Variants in TMPRSS11A observed in about 807,000 individuals in gnomAD.
TMPRSS11A encodes the protein transmembrane protease serine 11A.
A neutral mutation model predicts 58.9 loss-of-function variants in TMPRSS11A; 53 were observed. That is an observed-to-expected ratio of 0.90 (90% confidence interval 0.72 to 1.13). TMPRSS11A has a LOEUF of 1.13. Among genes scored for constraint, TMPRSS11A ranks in the 50% most tolerant of loss-of-function variants. TMPRSS11A has a pLI of 0.00. For missense variants in TMPRSS11A, 493 were observed against 499.3 expected (o/e 0.99, Z 0.12); for synonymous variants, 167 against 169.8 (o/e 0.98, Z 0.13).
intron 1 of TMPRSS11A, among the ~76,000 whole-genome samples, chr4:67,960,163 G>A (rs1035680707): frequency 6.6e-6 from 1 of 152,190 alleles, no homozygotes; most frequent in Non-Finnish European, 1.5e-5. Flanking sequence ...GACTACTAGA[G>A]GGGCAAGGTT....
intron 5 of TMPRSS11A, among the ~76,000 whole-genome samples, chr4:67,929,364 C>T (rs916223953): frequency 6.6e-6 from 1 of 152,088 alleles, no homozygotes; most frequent in Non-Finnish European, 1.5e-5. Context: ...GTGATGTTTT[C>T]CTAGACTGTG....
At chr4:67,945,456 T>C (rs1292892491) in intron 2 of TMPRSS11A, among the ~76,000 whole-genome samples, 1 of 152,214 alleles carries the variant, frequency 6.6e-6, no homozygotes, top group Non-Finnish European at 1.5e-5. Context: ...TCTCTGGACC[T>C]TGTAATACAT....
At chr4:67,915,982 G>A (rs1426107162) in intron 8 of TMPRSS11A, among the ~76,000 whole-genome samples, 1 of 152,184 alleles carries the variant, frequency 6.6e-6, no homozygotes, top group Non-Finnish European at 1.5e-5. Context: ...TGATGGATGA[G>A]AGATCTCTTG....
At chr4:67,950,524 T>C (rs1436896022) in intron 1 of TMPRSS11A, among the ~76,000 whole-genome samples, 2 of 152,206 alleles carry the variant, frequency 1.3e-5, no homozygotes, top group Non-Finnish European at 2.9e-5. Flanking sequence ...GGGAACTTTA[T>C]TACATCTGCA....
In TMPRSS11A at chr4:67,910,083, T is replaced by C. The variant is rs1340488154; in HGVS notation, c.*1259A>G. 2 of 152,046 alleles carry C rather than the reference T, an allele frequency of 1.3e-5. No homozygotes were observed. The highest frequency in any genetic ancestry group is 2.9e-5 in the Non-Finnish European group (2 of 67,926). 9.4% of individuals were successfully genotyped at this position (152,046 alleles called of 1,614,324 possible). The stretch of plus-strand genomic sequence containing the variant: ...TCACAGGCATTGCCAAGCAGAATAA[T>C]TGCTTCCATAAAGCCTTAATTTAAT... On this transcript the variant is annotated 3_prime_UTR_variant, in exon 10 of 10. Transcript: ENST00000508048.
At chr4:67,933,437 G>T (rs570527129) in intron 3 of TMPRSS11A, among the ~76,000 whole-genome samples, 1 of 151,992 alleles carries the variant, frequency 6.6e-6, no homozygotes. Context: ...ATTTTACTTC[G>T]GTTTCTTTTG....
chr4:67,914,416 CATTT>C (rs889079482), intron 9 of TMPRSS11A, among the ~76,000 whole-genome samples, 168 bp downstream of exon 9: 28 of 152,174 alleles, frequency 1.8e-4, no homozygotes, highest in African/African-American at 4.8e-4. Context: ...ACTCTTACTT[CATTT>C]ATCTTAATAA....
intron 8 of TMPRSS11A, among the ~76,000 whole-genome samples, chr4:67,915,161 G>A (rs1720112844): frequency 6.6e-6 from 1 of 151,572 alleles, no homozygotes; most frequent in African/African-American, 2.4e-5. Context: ...TTTATGATGA[G>A]CTTTCACATA....
In TMPRSS11A at chr4:67,911,373, C is replaced by T. The variant is rs562773026; in HGVS notation, c.1226G>A (p.Arg409Gln). 9 of 1,612,996 alleles carry T rather than the reference C, an allele frequency of 5.6e-6. No homozygotes were observed. Among genetic ancestry groups the T allele is most frequent in the South Asian group, 4.4e-5 (4 of 90,946 alleles). ...GCCTGTTTTTGAAGCAATCCAGTTTCGGTAATAAGTCACTTGTGTGTAGAC... is the reference window on the plus strand; with the variant it reads ...GCCTGTTTTTGAAGCAATCCAGTTTTGGTAATAAGTCACTTGTGTGTAGAC... ...PGVYTQVTYY[R>Q]NWIASKTGI The change falls in exon 10 of 10, where the codon CGA (arginine) becomes CAA (glutamine). Residue 409 changes from arginine (R) to glutamine (Q), a missense_variant. Transcript: ENST00000508048.
At chr4:67,946,844 G>A (rs978948727) in intron 1 of TMPRSS11A, among the ~76,000 whole-genome samples, 1 of 152,066 alleles carries the variant, frequency 6.6e-6, no homozygotes, top group African/African-American at 2.4e-5. Flanking sequence ...ATGGTCCAAG[G>A]TGGCATACAT....
intron 3 of TMPRSS11A, among the ~76,000 whole-genome samples, chr4:67,939,837 T>A (rs975990277): frequency 6.6e-6 from 1 of 152,044 alleles, no homozygotes; most frequent in Non-Finnish European, 1.5e-5. Context: ...TACAGGCACC[T>A]GCCACCATGC....
chr4:67,938,876 T>A (rs946741045), intron 3 of TMPRSS11A, among the ~76,000 whole-genome samples: 5 of 150,754 alleles, frequency 3.3e-5, no homozygotes, highest in Admixed American at 1.3e-4. Context: ...TTATTAGGAG[T>A]CCTTTGGCTA....
In TMPRSS11A at chr4:67,919,231, A is replaced by G. The variant is rs1389972774; in HGVS notation, c.694T>C (p.Tyr232His). ...LVTAAHCFQK[Y>H]KNPHQWTVSF... The stretch of plus-strand genomic sequence containing the variant: ...ACAGTCCATTGATGTGGATTTTTAT[A>G]CCTGGAAAAGGTTAGAAATTAACAG... The change falls in exon 8 of 10, where the codon TAT becomes CAT. Residue 232 changes from tyrosine to histidine, a missense_variant and splice_region_variant. Transcript: ENST00000508048. 6.2e-7 allele frequency: 1 copy of G among 1,613,382 alleles called. No individual in the cohort carries two copies. Among genetic ancestry groups the G allele is most frequent in the Non-Finnish European group, 8.5e-7 (1 of 1,179,608 alleles).
At chr4:67,960,493 T>C (rs1029151753) in intron 1 of TMPRSS11A, among the ~76,000 whole-genome samples, 2 of 152,170 alleles carry the variant, frequency 1.3e-5, no homozygotes, top group African/African-American at 2.4e-5. Flanking sequence ...ACCTAAGTCA[T>C]AGGATTGCTG....
intron 1 of TMPRSS11A, among the ~76,000 whole-genome samples, chr4:67,958,567 C>A (rs1229866210): frequency 6.6e-6 from 1 of 152,210 alleles, no homozygotes; most frequent in Non-Finnish European, 1.5e-5. Flanking sequence ...TCTGTTGTAT[C>A]TAGGAAGTAA....
At chr4:67,926,939 C>T (rs977812899) in intron 5 of TMPRSS11A, among the ~76,000 whole-genome samples, 1 of 151,968 alleles carries the variant, frequency 6.6e-6, no homozygotes, top group Non-Finnish European at 1.5e-5. Flanking sequence ...AAGCTGAACA[C>T]TCAACAGGAC....
At chr4:67,915,404 G>A (rs887990628) in intron 8 of TMPRSS11A, among the ~76,000 whole-genome samples, 16 of 152,078 alleles carry the variant, frequency 1.1e-4, no homozygotes, top group African/African-American at 3.9e-4. Flanking sequence ...ATGACCCCAT[G>A]GTTGGCAGAA....
chr4:67,929,717 G>A (rs752993830), intron 5 of TMPRSS11A, among the ~76,000 whole-genome samples, 163 bp downstream of exon 5: 1 of 151,964 alleles, frequency 6.6e-6, no homozygotes, highest in African/African-American at 2.4e-5. Flanking sequence ...ACATGCTTAC[G>A]TTAGAGACTA....
intron 8 of TMPRSS11A, among the ~76,000 whole-genome samples, chr4:67,917,088 A>G (rs1481605186): frequency 6.6e-6 from 1 of 152,000 alleles, no homozygotes; most frequent in East Asian, 1.9e-4. Flanking sequence ...TCAGCTTTTT[A>G]TTTATCAATT....
Sources: allele counts gnomAD v4.1 joint callset (sites outside exome capture counted in the v4.1 genomes callset), GRCh38; gene constraint gnomAD v4.1.1; transcripts MANE v1.5; gene names NCBI Gene and HGNC (gene_info 2026-07-23, HGNC 2026-07-21).